The following BMP6 variants were observed in gnomAD, a reference collection of about 807,000 sequenced individuals.
BMP6 encodes the protein bone morphogenetic protein 6.
BMP6 carries 17 observed loss-of-function variants against 54.1 expected under a neutral mutation model. The ratio of observed to expected loss-of-function variants is 0.31; its 90% confidence interval spans 0.22 to 0.47. The LOEUF is 0.47. Ranked by LOEUF, BMP6 falls within the 20% of genes least tolerant of loss-of-function variation. The pLI is 1.00. For synonymous variants in BMP6, 328 were observed against 291.2 expected, an observed-to-expected ratio of 1.13 and a Z score of -1.28; for missense variants, 720 against 690.4, an observed-to-expected ratio of 1.04 and a Z score of -0.48.
rs536804640 is a variant in BMP6, at chr6:7,826,454, T to G, written c.665-18686T>G. ...TTTGTCAGCCCAGGTTTGAATGACC[T>G]GCAGGCTAATTATGTTACTTACGAC... is the stretch of plus-strand genomic sequence containing the variant. On this transcript the variant is annotated intron_variant, in intron 1 of 6. Coordinates refer to ENST00000283147, the MANE Select transcript of BMP6 (RefSeq NM_001718.6). 6.7e-3 allele frequency among the ~76,000 whole-genome samples: 1,019 copies of G among 152,286 alleles called. 15 individuals carry two copies. The highest frequency in any genetic ancestry group is 0.022 in the African/African-American group (922 of 41,564).
chr6:7,789,391 A>G (rs948824963), intron 1 of BMP6, among the ~76,000 whole-genome samples: 14 of 152,368 alleles, frequency 9.2e-5, no homozygotes, highest in African/African-American at 3.4e-4. Context: ...TACCAGGCGT[A>G]TATGTAGAGG....
chr6:7,821,702 G>A (rs1758613927), intron 1 of BMP6, among the ~76,000 whole-genome samples: 1 of 152,128 alleles, frequency 6.6e-6, no homozygotes, highest in Non-Finnish European at 1.5e-5. Flanking sequence ...GTATAGTAAT[G>A]GTGACTACCA....
intron 1 of BMP6, among the ~76,000 whole-genome samples, chr6:7,820,636 C>T (rs1036138078): frequency 6.6e-6 from 1 of 152,148 alleles, no homozygotes; most frequent in Non-Finnish European, 1.5e-5. Flanking sequence ...TGCTCATTCC[C>T]CGAGGCAGGT....
intron 1 of BMP6, among the ~76,000 whole-genome samples, chr6:7,817,213 T>C (rs2113219070): frequency 6.6e-6 from 1 of 152,326 alleles, no homozygotes. Flanking sequence ...GCATATGCTG[T>C]TCTTCCCAGG....
intron 4 of BMP6, among the ~76,000 whole-genome samples, chr6:7,876,349 T>G (rs1759614727): frequency 6.6e-6 from 1 of 152,248 alleles, no homozygotes; most frequent in African/African-American, 2.4e-5. Context: ...CTGATCCTCT[T>G]GGAACTCTTT....
chr6:7,864,869 A>C (rs1284569734), intron 4 of BMP6, among the ~76,000 whole-genome samples: 2 of 152,200 alleles, frequency 1.3e-5, no homozygotes, highest in African/African-American at 4.8e-5. Flanking sequence ...GAACAGAGTT[A>C]ATAATCTCAG....
At chr6:7,774,813 C>T (rs1581242310) in intron 1 of BMP6, among the ~76,000 whole-genome samples, 1 of 152,166 alleles carries the variant, frequency 6.6e-6, no homozygotes, top group African/African-American at 2.4e-5. Flanking sequence ...ATAACAATGC[C>T]ACAGGCTTGG....
intron 1 of BMP6, among the ~76,000 whole-genome samples, chr6:7,770,464 G>GT (rs932157577): frequency 2.0e-5 from 3 of 152,066 alleles, no homozygotes; most frequent in East Asian, 3.9e-4. Flanking sequence ...GGGACTGGGA[G>GT]TTTTTTTCAC....
chr6:7,747,313 G>A (rs1021368184), intron 1 of BMP6, among the ~76,000 whole-genome samples: 2 of 152,204 alleles, frequency 1.3e-5, no homozygotes, highest in African/African-American at 4.8e-5. Flanking sequence ...GATTATCCTG[G>A]ATTATTAATC....
chr6:7,730,817 A>G (rs1761841242), intron 1 of BMP6, among the ~76,000 whole-genome samples: 1 of 152,244 alleles, frequency 6.6e-6, no homozygotes, highest in African/African-American at 2.4e-5. Context: ...AAGAATCTAC[A>G]GAAAGATAAA....
At position 7,851,158 on chromosome 6, in the gene BMP6, C is replaced by T. The variant is rs1049564022; in HGVS notation, c.857+5826C>T. 3.9e-5 allele frequency among the ~76,000 whole-genome samples: 6 copies of T among 152,272 alleles called. No homozygotes were observed. In the East Asian group the frequency reaches 9.6e-4, roughly 24 times the overall value. ...TGTTTCCACAAAAAATAAAAACAAA[C>T]TTGCTGGGCTTCTGATTGGAATTGC... is the stretch of plus-strand genomic sequence containing the variant. On this transcript the variant is annotated intron_variant, in intron 2 of 6. Coordinates refer to ENST00000283147, the MANE Select transcript of BMP6 (RefSeq NM_001718.6).
chr6:7,790,836 T>A (rs1427754611), intron 1 of BMP6, among the ~76,000 whole-genome samples: 1 of 152,132 alleles, frequency 6.6e-6, no homozygotes, highest in Non-Finnish European at 1.5e-5. Context: ...CACGGAGGAT[T>A]CTAACATGAT....
In BMP6 at chr6:7,748,521, T is replaced by G. The variant is rs9328443; in HGVS notation, c.664+20902T>G. On this transcript the variant is annotated intron_variant, in intron 1 of 6. Transcript: ENST00000283147. ...TATATATGATGGACCCTCTGGCACT[T>G]GAGCAGCTCATGCTTATGAGAGAAA... Among the ~76,000 whole-genome samples the G allele has an allele frequency of 8.9e-3, 1,356 of 152,308 alleles. 17 individuals carry two copies. The highest frequency in any genetic ancestry group is 0.03 in the African/African-American group (1,263 of 41,564).
chr6:7,747,142 G>A (rs1445963792), intron 1 of BMP6, among the ~76,000 whole-genome samples: 1 of 152,232 alleles, frequency 6.6e-6, no homozygotes, highest in Non-Finnish European at 1.5e-5. Flanking sequence ...CCCTGCGTAT[G>A]GGAGATGATT....
intron 1 of BMP6, among the ~76,000 whole-genome samples, chr6:7,838,159 A>AAG (rs928834925): frequency 9.9e-5 from 15 of 152,214 alleles, no homozygotes; most frequent in African/African-American, 2.9e-4. Flanking sequence ...TATTTTGAAA[A>AAG]AGAGAGAGAG....
chr6:7,814,673 C>T (rs958180765), intron 1 of BMP6, among the ~76,000 whole-genome samples: 1 of 152,178 alleles, frequency 6.6e-6, no homozygotes, highest in African/African-American at 2.4e-5. Flanking sequence ...GAGGCCAATA[C>T]ACCAGTTCCT....
chr6:7,834,450 A>G (rs1758841837), intron 1 of BMP6, among the ~76,000 whole-genome samples: 1 of 152,122 alleles, frequency 6.6e-6, no homozygotes, highest in African/African-American at 2.4e-5. Context: ...AGTATAATAA[A>G]TAATAGTAAA....
rs1758966642 is a variant in BMP6 at position 7,841,405 on chromosome 6, CAT to C, written c.665-3731_665-3730del. On this transcript the variant is annotated intron_variant, in intron 1 of 6. Coordinates refer to ENST00000283147, the MANE Select transcript of BMP6 (RefSeq NM_001718.6). Reference sequence around the variant, plus strand: ...GTCTGGCATTTGAGGAGTCTTGACTCATATAGCTTGAATTGCTGCGCTCATTG... The same window carrying C: ...GTCTGGCATTTGAGGAGTCTTGACTCATAGCTTGAATTGCTGCGCTCATTG... Among the ~76,000 whole-genome samples the C allele has an allele frequency of 3.3e-5, 5 of 152,176 alleles. No homozygotes were observed. The South Asian group carries it at 1.0e-3, about 32-fold the overall frequency.
intron 1 of BMP6, among the ~76,000 whole-genome samples, chr6:7,779,557 C>A (rs1157502583): frequency 6.6e-6 from 1 of 152,176 alleles, no homozygotes; most frequent in Non-Finnish European, 1.5e-5. Context: ...CCAGGCTGGT[C>A]TTGAACTCCT....
Sources: allele counts gnomAD v4.1 joint callset (sites outside exome capture counted in the v4.1 genomes callset), GRCh38; gene constraint gnomAD v4.1.1; transcripts MANE v1.5; gene names NCBI Gene and HGNC (gene_info 2026-07-23, HGNC 2026-07-21).